Variants in ASMTL observed in about 807,000 individuals in gnomAD.
ASMTL encodes acetylserotonin O-methyltransferase like.
ASMTL carries 57 observed loss-of-function variants against 60.3 expected under a neutral mutation model. The observed-to-expected ratio is 0.95, with a 90% CI of 0.76 to 1.18. The LOEUF (loss-of-function observed/expected upper bound fraction) is 1.18, where lower values mean the gene tolerates loss of function less well. Among genes scored for constraint, ASMTL ranks in the 50% most tolerant of loss-of-function variants. ASMTL has a pLI of 0.00. For missense variants in ASMTL, 981 were observed against 852.6 expected, an observed-to-expected ratio of 1.15 and a Z score of -1.88; for synonymous variants, 419 against 373.0, an observed-to-expected ratio of 1.12 and a Z score of -1.42.
intron 2 of ASMTL, among the ~76,000 whole-genome samples, chrX:1,441,279 A>C (rs140450869): frequency 0.021 from 3,245 of 152,080 alleles, 60 homozygotes; most frequent in African/African-American, 0.046. Context: ...TTTTTGTTTT[A>C]ATTTTTTATT....
At chrX:1,444,456 G>A (rs1409289212) in intron 1 of ASMTL, among the ~76,000 whole-genome samples, 5 of 152,064 alleles carry the variant, frequency 3.3e-5, no homozygotes, top group Admixed American at 6.6e-5. Context: ...TGATCCGCCC[G>A]CCTCGGCCTC....
At chrX:1,411,979 T>A (rs1323673607) in intron 12 of ASMTL, among the ~76,000 whole-genome samples, 9 of 151,678 alleles carry the variant, frequency 5.9e-5, no homozygotes, top group African/African-American at 2.2e-4. Flanking sequence ...GCCCGGCTTA[T>A]TTTTTGTGTT....
upstream of ASMTL, chrX:1,453,009 G>A (rs1434970699): frequency 5.7e-5 from 32 of 556,528 alleles, no homozygotes; most frequent in African/African-American, 5.7e-4. Context: ...GCCTCCCCGC[G>A]AGACCGCGCC....
chrX:1,418,285 C>A (rs1444929223), intron 10 of ASMTL, 169 bp from the exon 11 acceptor site: 1 of 284,712 alleles, frequency 3.5e-6, no homozygotes, highest in East Asian at 1.7e-4. Flanking sequence ...CAAGACTGTA[C>A]AAGCAGGTGA....
intron 11 of ASMTL, among the ~76,000 whole-genome samples, chrX:1,414,408 G>C (rs1456763299): frequency 6.6e-6 from 1 of 152,158 alleles, no homozygotes; most frequent in Non-Finnish European, 1.5e-5. Context: ...GCTCTTTCAG[G>C]GCTCATGATT....
In ASMTL at chrX:1,403,478, G is replaced by A. The variant is rs749939889; in HGVS notation, c.1657C>T (p.Leu553=). The part of the protein sequence containing the change: ...AESCKPGAGL[L]LVETLLDEEK... ...TCATCCAGGAGCGTCTCCACCAGCA[G>A]CAGGCCGGCCCCTGAGGGAGACAGC... Residue 553 remains leucine, a synonymous_variant, in exon 13 of 13, where the codon CTG becomes TTG. Transcript: ENST00000381317. The A allele has an allele frequency of 1.9e-6, 3 of 1,612,904 alleles. No homozygotes were observed. Among genetic ancestry groups the A allele is most frequent in the South Asian group, 1.1e-5 (1 of 91,082 alleles).
At chrX:1,423,259 C>G (rs34569158) in intron 8 of ASMTL, among the ~76,000 whole-genome samples, 52 of 152,010 alleles carry the variant, frequency 3.4e-4, no homozygotes, top group Non-Finnish European at 6.5e-4. Context: ...ATTTTCAATA[C>G]GGGAGAATGG....
At chrX:1,419,844 C>T (rs1354141357) in intron 9 of ASMTL, among the ~76,000 whole-genome samples, 7 of 152,352 alleles carry the variant, frequency 4.6e-5, no homozygotes, top group African/African-American at 1.4e-4. Context: ...GCGATGCCCA[C>T]GCTGGCTGCT....
intron 12 of ASMTL, among the ~76,000 whole-genome samples, chrX:1,411,533 G>A (rs1465323632): frequency 5.9e-5 from 9 of 151,438 alleles, no homozygotes; most frequent in African/African-American, 1.7e-4. Context: ...GTGGACGGGG[G>A]AGAAACCTGA....
intron 1 of ASMTL, among the ~76,000 whole-genome samples, chrX:1,448,398 C>T (rs1380662939): frequency 6.2e-5 from 9 of 146,062 alleles, no homozygotes; most frequent in Non-Finnish European, 9.0e-5. Flanking sequence ...TTGGACACAC[C>T]GCCATCTTGG....
intron 2 of ASMTL, among the ~76,000 whole-genome samples, chrX:1,440,304 A>C (rs1371571506): frequency 1.3e-5 from 2 of 151,844 alleles, no homozygotes; most frequent in South Asian, 2.1e-4. Context: ...GTGAGCCAGG[A>C]TGGTCTTGAA....
At chrX:1,419,968 C>G (rs1257228984) in intron 9 of ASMTL, among the ~76,000 whole-genome samples, 1 of 152,038 alleles carries the variant, frequency 6.6e-6, no homozygotes, top group Non-Finnish European at 1.5e-5. Context: ...GTCTGTGTGT[C>G]TCTGTCTTCC....
chrX:1,439,381 G>T (rs2091052015), intron 2 of ASMTL, among the ~76,000 whole-genome samples: 1 of 152,180 alleles, frequency 6.6e-6, no homozygotes, highest in African/African-American at 2.4e-5. Flanking sequence ...CGTGATCAGG[G>T]GTCAGGCACT....
At chrX:1,425,326 A>G (rs1166437638) in intron 8 of ASMTL, among the ~76,000 whole-genome samples, 199 bp downstream of exon 8, 2 of 152,158 alleles carry the variant, frequency 1.3e-5, no homozygotes, top group Admixed American at 6.6e-5. Flanking sequence ...CGCTTCTCCT[A>G]TGTGCTCGCG....
chrX:1,425,864 G>A (rs1225973359), intron 7 of ASMTL, 177 bp from the exon 8 acceptor site: 10 of 188,264 alleles, frequency 5.3e-5, no homozygotes, highest in African/African-American at 1.2e-4. Flanking sequence ...AAAACAAGGT[G>A]TACACAAGGA....
At chrX:1,413,347 A>T (rs866685683) in intron 11 of ASMTL, among the ~76,000 whole-genome samples, 2 of 137,232 alleles carry the variant, frequency 1.5e-5, no homozygotes, top group East Asian at 4.9e-4. Flanking sequence ...GGGCGACAAG[A>T]AGGCAAGGGA....
intron 6 of ASMTL, chrX:1,432,066 C>G (rs1384469060): frequency 1.1e-4 from 66 of 602,562 alleles, no homozygotes; most frequent in Non-Finnish European, 1.7e-4. Context: ...CCTCTCTGTC[C>G]TGGGAGTTTG....
chrX:1,418,896 G>C (rs767545828), intron 10 of ASMTL, 86 bp downstream of exon 10: 2 of 1,541,468 alleles, frequency 1.3e-6, no homozygotes, highest in Non-Finnish European at 1.8e-6. Context: ...AATGGAAAAA[G>C]GCAGTTGGTA....
intron 1 of ASMTL, among the ~76,000 whole-genome samples, chrX:1,443,448 G>A (rs1271361251): frequency 6.9e-5 from 10 of 144,672 alleles, no homozygotes; most frequent in South Asian, 2.2e-4. Context: ...GACAGACACC[G>A]CCATCTTGGA....
Sources: allele counts gnomAD v4.1 joint callset (sites outside exome capture counted in the v4.1 genomes callset), GRCh38; gene constraint gnomAD v4.1.1; transcripts MANE v1.5; gene names NCBI Gene and HGNC (gene_info 2026-07-23, HGNC 2026-07-21).